MYCBP2: variants seen among roughly 807,000 people sequenced by gnomAD.
MYCBP2 encodes E3 ubiquitin-protein ligase MYCBP2.
Under a neutral mutation model 525.3 loss-of-function variants are expected in MYCBP2, and 120 were observed. The observed-to-expected ratio is 0.23, with a 90% CI of 0.20 to 0.27. MYCBP2 has a LOEUF of 0.27. Ranked by LOEUF, MYCBP2 falls within the 10% of genes least tolerant of loss-of-function variation. The pLI is 1.00. For missense variants in MYCBP2, 4,149 were observed against 5,657.1 expected (o/e 0.73, Z 8.55); for synonymous variants, 1,894 against 1,955.8 (o/e 0.97, Z 0.83).
chr13:77,138,629 C>G (rs1357544748), intron 52 of MYCBP2, among the ~76,000 whole-genome samples: 1 of 152,082 alleles, frequency 6.6e-6, no homozygotes, highest in African/African-American at 2.4e-5. Flanking sequence ...AACACTGGCT[C>G]TATTCTACTA....
chr13:77,151,255 T>C (rs1209902712), intron 46 of MYCBP2, among the ~76,000 whole-genome samples: 1 of 152,224 alleles, frequency 6.6e-6, no homozygotes, highest in African/African-American at 2.4e-5. Context: ...GGAATGAATC[T>C]ACATTAAGTT....
At chr13:77,233,652 T>C (rs1051476728) in intron 17 of MYCBP2, among the ~76,000 whole-genome samples, 1 of 152,050 alleles carries the variant, frequency 6.6e-6, no homozygotes, top group Non-Finnish European at 1.5e-5. Context: ...AGATATCTTT[T>C]CCATTGAAAC....
chr13:77,070,727 GAA>G lies in MYCBP2; in HGVS notation c.11824-18_11824-17del, dbSNP rs71749271. The G allele has an allele frequency of 4.7e-3, 5,055 of 1,074,520 alleles. No individual in the cohort carries two copies. The highest frequency in any genetic ancestry group is 6.4e-3 in the African/African-American group (322 of 50,602). The allele number at this position is 1,074,520 out of a possible 1,614,324, so 66.6% of individuals were successfully genotyped here. Reference sequence around the variant, plus strand: ...CTGATGTTGCCTTTACATAGAAAAAGAAAAAAAAAAAAAAGAATGAAGTGGTC... The same window carrying G: ...CTGATGTTGCCTTTACATAGAAAAAGAAAAAAAAAAAAGAATGAAGTGGTC... On this transcript the variant is annotated splice_polypyrimidine_tract_variant and intron_variant, in intron 68 of 82. Transcript: ENST00000544440.
chr13:77,127,319 G>A (rs556231755), intron 52 of MYCBP2, among the ~76,000 whole-genome samples: 11 of 151,942 alleles, frequency 7.2e-5, no homozygotes, highest in African/African-American at 2.6e-4. Context: ...TAAAATGAAA[G>A]AACCTTCCCT....
intron 10 of MYCBP2, 32 bp downstream of exon 10, chr13:77,263,619 A>C: frequency 2.5e-6 from 4 of 1,579,014 alleles, no homozygotes; most frequent in Non-Finnish European, 3.5e-6. Flanking sequence ...GAAAATTAAA[A>C]TATAGGGAAA....
intron 26 of MYCBP2, among the ~76,000 whole-genome samples, chr13:77,202,369 C>T (rs1427911324): frequency 2.0e-5 from 3 of 152,112 alleles, no homozygotes; most frequent in African/African-American, 7.2e-5. Context: ...CTGAATAGAC[C>T]AATAACAGGA....
intron 37 of MYCBP2, 87 bp downstream of exon 37, chr13:77,174,224 G>A (rs2059402968): frequency 4.2e-6 from 5 of 1,203,686 alleles, no homozygotes; most frequent in South Asian, 3.2e-5. Flanking sequence ...TTAATTATAA[G>A]TATCCAGTTA....
chr13:77,134,572 AC>A (rs1424620840), intron 52 of MYCBP2, among the ~76,000 whole-genome samples: 4 of 149,914 alleles, frequency 2.7e-5, no homozygotes, highest in Non-Finnish European at 5.9e-5. Context: ...AAAAACAACA[AC>A]AAAAATAACA....
intron 82 of MYCBP2, among the ~76,000 whole-genome samples, chr13:77,047,671 G>A (rs2035854055): frequency 6.6e-6 from 1 of 152,120 alleles, no homozygotes; most frequent in Admixed American, 6.6e-5. Flanking sequence ...ACATGCCCAC[G>A]GCTGCACAGA....
intron 13 of MYCBP2, among the ~76,000 whole-genome samples, chr13:77,258,384 C>G (rs1013925357): frequency 1.3e-5 from 2 of 152,106 alleles, no homozygotes; most frequent in African/African-American, 4.8e-5. Flanking sequence ...TTTGTCATAT[C>G]CAAGTGCCAC....
Position 77,051,919 on chromosome 13 carries a change from C to T in MYCBP2, c.13648-1G>A. Reference sequence around the variant, plus strand: ...AGCGAGCTTCACCACCAAAATATGCCTGTGGAGAAAACACATCTAGATTAC... The same window carrying T: ...AGCGAGCTTCACCACCAAAATATGCTTGTGGAGAAAACACATCTAGATTAC... On this transcript the variant is annotated splice_acceptor_variant, in intron 80 of 82. Transcript: ENST00000544440. LOFTEE classifies it high-confidence loss of function. 1 of 1,612,934 alleles carries T rather than the reference C, an allele frequency of 6.2e-7. No homozygotes were observed. Among genetic ancestry groups the T allele is most frequent in the Non-Finnish European group, 8.5e-7 (1 of 1,179,022 alleles).
chr13:77,279,464 C>A (rs192159106), intron 3 of MYCBP2, among the ~76,000 whole-genome samples: 6 of 152,150 alleles, frequency 3.9e-5, no homozygotes, highest in Admixed American at 2.6e-4. Flanking sequence ...ATTGAGAGAG[C>A]AAATTGCAAT....
intron 21 of MYCBP2, among the ~76,000 whole-genome samples, chr13:77,217,496 G>A (rs1255018398): frequency 6.6e-6 from 1 of 152,160 alleles, no homozygotes; most frequent in Non-Finnish European, 1.5e-5. Flanking sequence ...AGTTCTATGT[G>A]TTAAGAAAAA....
chr13:77,162,650 T>C (rs1004740769), intron 43 of MYCBP2, among the ~76,000 whole-genome samples: 5 of 152,130 alleles, frequency 3.3e-5, no homozygotes, highest in African/African-American at 9.7e-5. Flanking sequence ...CAACCACACA[T>C]AAACATACTC....
chr13:77,282,470 C>A (rs1169579564), intron 3 of MYCBP2, among the ~76,000 whole-genome samples: 1 of 151,142 alleles, frequency 6.6e-6, no homozygotes, highest in Non-Finnish European at 1.5e-5. Flanking sequence ...CCTTGCCTAA[C>A]AAATTTATCT....
intron 3 of MYCBP2, among the ~76,000 whole-genome samples, chr13:77,279,787 T>C (rs558143541): frequency 6.6e-6 from 1 of 152,328 alleles, no homozygotes; most frequent in African/African-American, 2.4e-5. Context: ...GACCCTGTCC[T>C]CTAAGAGTTT....
chr13:77,317,660 C>T (rs925673468), intron 1 of MYCBP2, among the ~76,000 whole-genome samples: 1 of 152,076 alleles, frequency 6.6e-6, no homozygotes, highest in African/African-American at 2.4e-5. Context: ...GGGTCCCGGC[C>T]GGGCGCGGTG....
chr13:77,183,265 T>C (rs1310292888), intron 32 of MYCBP2, among the ~76,000 whole-genome samples: 1 of 152,176 alleles, frequency 6.6e-6, no homozygotes, highest in Non-Finnish European at 1.5e-5. Flanking sequence ...AGTTGGGAAG[T>C]GTTGCCTCCT....
intron 1 of MYCBP2, among the ~76,000 whole-genome samples, chr13:77,313,948 AC>A (rs1041379667): frequency 6.6e-6 from 1 of 152,240 alleles, no homozygotes; most frequent in Non-Finnish European, 1.5e-5. Flanking sequence ...AAAAAAAAAA[AC>A]GAGATTCTAC....
Sources: gnomAD v4.1 joint callset for allele counts (sites outside exome capture counted in the v4.1 genomes callset) on GRCh38, gnomAD v4.1.1 for gene constraint, MANE v1.5 for transcripts, NCBI Gene and HGNC (gene_info 2026-07-23, HGNC 2026-07-21) for gene names.